The following MBTPS2 variants were observed in gnomAD, a reference collection of about 807,000 sequenced individuals.
MBTPS2 encodes the protein membrane-bound transcription factor site-2 protease.
A neutral mutation model predicts 35.4 loss-of-function variants in MBTPS2; 2 were observed. That is an observed-to-expected ratio of 0.06 (90% CI 0.02 to 0.18). The LOEUF is 0.18. Ranked by LOEUF, MBTPS2 falls within the 10% of genes least tolerant of loss-of-function variation. The pLI, the probability that MBTPS2 is intolerant of heterozygous loss-of-function variation, is 1.00. For synonymous variants in MBTPS2, 125 were observed against 140.4 expected (o/e 0.89, Z 0.77); for missense variants, 244 against 386.5 (o/e 0.63, Z 3.09).
At chrX:21,868,671 C>A in intron 6 of MBTPS2, 86 bp downstream of exon 6, 1 of 651,084 alleles carries the variant, frequency 1.5e-6, no homozygotes, top group Non-Finnish European at 2.6e-6. Context: ...TATTCAAGAT[C>A]TCTTCATATA....
At chrX:21,871,720 A>AT (rs1015719754) in intron 7 of MBTPS2, 1 of 111,479 alleles carries the variant, frequency 9.0e-6, no homozygotes, top group Non-Finnish European at 1.9e-5. Flanking sequence ...TTGAAATGTT[A>AT]TTTTTTTGTT....
At chrX:21,845,120 C>G (rs1419253696) in intron 2 of MBTPS2, 51 bp from the exon 3 acceptor site, 1 of 1,208,906 alleles carries the variant, frequency 8.3e-7, no homozygotes, top group Admixed American at 2.2e-5. Context: ...TTTGCTAGTC[C>G]ATGAATTGAG....
At chrX:21,876,171 T>C (rs2092952843) in intron 7 of MBTPS2, among the ~76,000 whole-genome samples, 1 of 112,223 alleles carries the variant, frequency 8.9e-6, no homozygotes, top group Non-Finnish European at 1.9e-5. Flanking sequence ...CAGATGATTA[T>C]AGGCTAGCAT....
At chrX:21,857,523 G>A (rs773507953) in intron 5 of MBTPS2, 25 of 1,210,466 alleles carry the variant, frequency 2.1e-5, no homozygotes, top group Non-Finnish European at 2.6e-5. Flanking sequence ...CCCCTTCGAT[G>A]TTTGCAACAG....
intron 5 of MBTPS2, chrX:21,856,659 T>C (rs780575312): frequency 2.5e-6 from 3 of 1,211,203 alleles, no homozygotes; most frequent in Middle Eastern, 2.3e-4. Context: ...CCATCCGCCA[T>C]TGATGGTGTT....
chrX:21,862,145 C>CCAT (rs1373546632), intron 5 of MBTPS2, among the ~76,000 whole-genome samples: 1 of 110,963 alleles, frequency 9.0e-6, no homozygotes, highest in African/African-American at 3.3e-5. Context: ...AGGGTTGTCT[C>CCAT]CATCACATCC....
intron 1 of MBTPS2, among the ~76,000 whole-genome samples, chrX:21,840,784 A>G (rs761163723): frequency 1.8e-5 from 2 of 112,417 alleles, no homozygotes; most frequent in African/African-American, 6.5e-5. Context: ...TCCTTCTATC[A>G]TTTAAACTTG....
chrX:21,872,418 G>C (rs2092948244), intron 7 of MBTPS2: 1 of 110,234 alleles, frequency 9.1e-6, no homozygotes, highest in Non-Finnish European at 1.9e-5. Context: ...TGTGGATCAT[G>C]TGCTACATTT....
chrX:21,884,890 G>A lies in MBTPS2; in HGVS notation c.*2235G>A. 1.3e-6 allele frequency: 1 copy of A among 748,959 alleles called. No individual in the cohort carries two copies. The highest frequency in any genetic ancestry group is 2.3e-5 in the African/African-American group (1 of 43,687). 61.7% of individuals were successfully genotyped at this position (748,959 alleles called of 1,213,427 possible). ...TTCACATAAAAAAATAACTTGGAGG[G>A]TCTTTGTGTCCCTGGCATATTATCA... On this transcript the variant is annotated 3_prime_UTR_variant, in exon 11 of 11. Transcript: ENST00000379484.
At chrX:21,882,369 CT>C in intron 10 of MBTPS2, 63 bp from the exon 11 acceptor site, 1 of 819,216 alleles carries the variant, frequency 1.2e-6, no homozygotes. Flanking sequence ...TATCTTCTGA[CT>C]CATAGAAATA....
intron 3 of MBTPS2, among the ~76,000 whole-genome samples, chrX:21,845,640 T>C (rs1281927565): frequency 8.9e-6 from 1 of 112,260 alleles, no homozygotes; most frequent in Non-Finnish European, 1.9e-5. Flanking sequence ...ATTAAACAGA[T>C]ACGTGACTGT....
chrX:21,866,693 A>G, intron 5 of MBTPS2, among the ~76,000 whole-genome samples: 1 of 111,258 alleles, frequency 9.0e-6, no homozygotes, highest in Non-Finnish European at 1.9e-5. Flanking sequence ...AAAATTATGG[A>G]TTTACCCCTA....
chrX:21,871,202 A>T (rs2092946951), intron 7 of MBTPS2: 1 of 116,122 alleles, frequency 8.6e-6, no homozygotes, highest in African/African-American at 3.2e-5. Context: ...CTATAGATTT[A>T]TTCTGTTCTA....
chrX:21,860,691 G>A (rs1392365806), intron 5 of MBTPS2, among the ~76,000 whole-genome samples: 2 of 111,739 alleles, frequency 1.8e-5, no homozygotes, highest in South Asian at 3.7e-4. Context: ...GTGCTGCTGA[G>A]TGTCCCGGCT....
At chrX:21,857,699 GT>G (rs1034692298) in intron 5 of MBTPS2, 2 of 906,166 alleles carry the variant, frequency 2.2e-6, no homozygotes, top group African/African-American at 2.7e-5. Context: ...GTTTCTAAGA[GT>G]TTTAAAAAAA....
Position 21,845,276 on chromosome X carries a change from CTCT to C in MBTPS2, c.335_337del (p.Ser112del). 2 of 1,209,359 alleles carry C rather than the reference CTCT, an allele frequency of 1.7e-6. No homozygotes were observed. The highest frequency in any genetic ancestry group is 2.2e-6 in the Non-Finnish European group (2 of 893,443). ...TGGCACAAATGATGGCTGACTCTCC[CTCT>C]TCTTATTCTTCCTCCTCTTCTTCCT... On this transcript the variant is annotated inframe_deletion, in exon 3 of 11. Coordinates refer to ENST00000379484, the MANE Select transcript of MBTPS2 (RefSeq NM_015884.4).
intron 4 of MBTPS2, among the ~76,000 whole-genome samples, chrX:21,853,078 A>G (rs1393506014): frequency 9.0e-6 from 1 of 111,387 alleles, no homozygotes; most frequent in African/African-American, 3.2e-5. Flanking sequence ...ATTTCTGTAT[A>G]TATGTGACTA....
chrX:21,876,437 G>A (rs763639854), intron 7 of MBTPS2, among the ~76,000 whole-genome samples: 8 of 110,471 alleles, frequency 7.2e-5, no homozygotes, highest in African/African-American at 2.3e-4. Flanking sequence ...ATGGTGGCAC[G>A]TGCCTGTAAT....
At chrX:21,862,653 C>CA (rs1309339728) in intron 5 of MBTPS2, among the ~76,000 whole-genome samples, 2 of 103,590 alleles carry the variant, frequency 1.9e-5, no homozygotes, top group Non-Finnish European at 3.9e-5. Flanking sequence ...CTACTAAAAA[C>CA]AAAAAAAATT....
Sources: allele counts gnomAD v4.1 joint callset (sites outside exome capture counted in the v4.1 genomes callset), GRCh38; gene constraint gnomAD v4.1.1; transcripts MANE v1.5; gene names NCBI Gene and HGNC (gene_info 2026-07-23, HGNC 2026-07-21).